The following SYT2 variants were observed in gnomAD, a reference collection of about 807,000 sequenced individuals.
SYT2 encodes the protein synaptotagmin-2.
A neutral mutation model predicts 39.9 loss-of-function variants in SYT2; 15 were observed. The observed-to-expected ratio is 0.38, with a 90% CI of 0.25 to 0.58. The LOEUF (loss-of-function observed/expected upper bound fraction) is 0.58, where lower values mean the gene tolerates loss of function less well. Ranked by LOEUF, SYT2 falls within the 20% of genes least tolerant of loss-of-function variation. The pLI is 0.70. For synonymous variants in SYT2, 181 were observed against 204.5 expected (o/e 0.89, Z 0.98); for missense variants, 389 against 530.3 (o/e 0.73, Z 2.62).
At chr1:202,706,019 T>C (rs965931658) in intron 1 of SYT2, among the ~76,000 whole-genome samples, 3 of 152,054 alleles carry the variant, frequency 2.0e-5, no homozygotes, top group African/African-American at 7.2e-5. Context: ...ATGTTTAATT[T>C]TAGACCCAGC....
chr1:202,610,162 G>C (rs1690846450), intron 1 of SYT2, among the ~76,000 whole-genome samples: 3 of 152,176 alleles, frequency 2.0e-5, no homozygotes. Flanking sequence ...CCCATTTCTT[G>C]TTTTTGTCAG....
At chr1:202,691,727 G>GAGAGA (rs1558463384) in intron 1 of SYT2, among the ~76,000 whole-genome samples, 1 of 19,012 alleles carries the variant, frequency 5.3e-5, no homozygotes, top group Non-Finnish European at 1.1e-4. Flanking sequence ...GAGAGGGAGA[G>GAGAGA]GGGGGGAGAG....
rs1690214720 is a variant in SYT2, at chr1:202,594,243, C to G, written c.*2514G>C. On this transcript the variant is annotated 3_prime_UTR_variant, in exon 9 of 9. Coordinates refer to ENST00000367268, the MANE Select transcript of SYT2 (RefSeq NM_177402.5). ...CAGTGGGCTCAGAGTAATAAAAATC[C>G]AGCCCTGGTCACCAGGCACATAGAC... 6.6e-6 allele frequency: 1 copy of G among 152,254 alleles called. No homozygotes were observed. The highest frequency in any genetic ancestry group is 6.5e-5 in the Admixed American group (1 of 15,274). The allele number at this position is 152,254 out of a possible 1,614,324, so 9.4% of individuals were successfully genotyped here.
At chr1:202,645,002 GC>G (rs1224233132) in intron 1 of SYT2, among the ~76,000 whole-genome samples, 1 of 152,192 alleles carries the variant, frequency 6.6e-6, no homozygotes, top group East Asian at 1.9e-4. Context: ...GGATTTCCGG[GC>G]GGCTCCTCCT....
At position 202,663,272 on chromosome 1, in the gene SYT2, G is replaced by C. The variant is rs565735602; in HGVS notation, c.-18+46986C>G. 7.9e-5 allele frequency among the ~76,000 whole-genome samples: 12 copies of C among 152,290 alleles called. 1 individual carries two copies. The highest frequency in any genetic ancestry group is 2.6e-4 in the African/African-American group (11 of 41,562). ...GGTCATTACCCTCAGCAATAAGAAGGGTTCTGGGATAGCAGGTTTTATCGG... is the reference window on the plus strand; with the variant it reads ...GGTCATTACCCTCAGCAATAAGAAGCGTTCTGGGATAGCAGGTTTTATCGG... On this transcript the variant is annotated intron_variant, in intron 1 of 8. Coordinates refer to ENST00000367268, the MANE Select transcript of SYT2 (RefSeq NM_177402.5).
At chr1:202,642,544 G>C (rs1181043027) in intron 1 of SYT2, among the ~76,000 whole-genome samples, 2 of 152,130 alleles carry the variant, frequency 1.3e-5, no homozygotes, top group African/African-American at 2.4e-5. Flanking sequence ...GGATCCCCGC[G>C]AGCCTGCTTC....
intron 1 of SYT2, among the ~76,000 whole-genome samples, chr1:202,680,240 A>G (rs1414579099): frequency 6.6e-6 from 1 of 152,238 alleles, no homozygotes; most frequent in Non-Finnish European, 1.5e-5. Context: ...TCAAATTAAT[A>G]TAGGCCATTA....
intron 1 of SYT2, among the ~76,000 whole-genome samples, chr1:202,687,938 T>C (rs569352259): frequency 6.6e-6 from 1 of 152,314 alleles, no homozygotes; most frequent in African/African-American, 2.4e-5. Flanking sequence ...AAAATGTCTT[T>C]TCACAATGTC....
rs1334713219 is a variant in SYT2 at position 202,644,699 on chromosome 1, C to A, written c.-17-38910G>T. On this transcript the variant is annotated intron_variant, in intron 1 of 8. Transcript: ENST00000367268. ...GTGACATTCCTCATCCCCCAACCCA[C>A]ACACACAAAAATCCAGTGTGCATGT... Among the ~76,000 whole-genome samples the A allele has an allele frequency of 3.3e-5, 5 of 152,154 alleles. No individual in the cohort carries two copies. The East Asian group carries it at 9.7e-4, about 30-fold the overall frequency.
chr1:202,620,646 T>C (rs1230984259), intron 1 of SYT2, among the ~76,000 whole-genome samples: 4 of 151,800 alleles, frequency 2.6e-5, no homozygotes, highest in African/African-American at 9.7e-5. Flanking sequence ...AAACAACATG[T>C]CTAGAGGCTC....
chr1:202,623,422 C>T lies in SYT2; in HGVS notation c.-17-17633G>A, dbSNP rs1004403920. Among the ~76,000 whole-genome samples the T allele has an allele frequency of 1.3e-5, 2 of 152,224 alleles. No homozygotes were observed. Among genetic ancestry groups the T allele is most frequent in the Non-Finnish European group, 2.9e-5 (2 of 68,032 alleles). On this transcript the variant is annotated intron_variant, in intron 1 of 8. Coordinates refer to ENST00000367268, the MANE Select transcript of SYT2 (RefSeq NM_177402.5). The surrounding 1 kb of genome is among the most constrained non-coding windows in gnomAD (Gnocchi z 4.2). ...GCCTTCCCACCTCCTTCTCCAGAGACTCAGAATCTTGGGCCTCCAGGGTTC... is the reference window on the plus strand; with the variant it reads ...GCCTTCCCACCTCCTTCTCCAGAGATTCAGAATCTTGGGCCTCCAGGGTTC...
chr1:202,636,916 C>G (rs1418888248), intron 1 of SYT2, among the ~76,000 whole-genome samples: 1 of 152,170 alleles, frequency 6.6e-6, no homozygotes, highest in Non-Finnish European at 1.5e-5. Context: ...ACTGGAGGAG[C>G]TGGCATTTGA....
Position 202,639,863 on chromosome 1 carries a change from G to T in SYT2, c.-17-34074C>A, listed in dbSNP as rs549194877. The T allele has an allele frequency of 6.9e-5, 68 of 982,350 alleles. No individual in the cohort carries two copies. In the African/African-American group the frequency reaches 1.1e-3, roughly 16 times the overall value. 60.9% of individuals were successfully genotyped at this position (982,350 alleles called of 1,614,324 possible). A position where few individuals can be genotyped will look rare whatever the true frequency, so the allele number is the denominator to read the frequency against. ...GGGGATCGTGTGCATGGTGACAACT[G>T]CAGGACTGTGAACTGTATCCCTGCT... is the stretch of plus-strand genomic sequence containing the variant. On this transcript the variant is annotated intron_variant, in intron 1 of 8. Transcript: ENST00000367268.
intron 1 of SYT2, among the ~76,000 whole-genome samples, chr1:202,693,756 C>T (rs1247903096): frequency 6.6e-6 from 1 of 152,182 alleles, no homozygotes; most frequent in African/African-American, 2.4e-5. Flanking sequence ...CCTCTTGTTG[C>T]TGAGATTGTG....
Position 202,599,165 on chromosome 1 carries a change from A to C in SYT2, c.1053+53T>G. The C allele has an allele frequency of 6.2e-7, 1 of 1,601,790 alleles. No individual in the cohort carries two copies. The highest frequency in any genetic ancestry group is 1.1e-5 in the South Asian group (1 of 88,832). On this transcript the variant is annotated intron_variant, in intron 8 of 8. Coordinates refer to ENST00000367268, the MANE Select transcript of SYT2 (RefSeq NM_177402.5). The surrounding 1 kb of genome is among the most constrained non-coding windows in gnomAD (Gnocchi z 4.4). Reference sequence around the variant, plus strand: ...TTCCCTCTCTTCAACCTCCCCATACATGTTTGCCTCCCCAAACCCTGCTCC... The same window carrying C: ...TTCCCTCTCTTCAACCTCCCCATACCTGTTTGCCTCCCCAAACCCTGCTCC...
rs568566918 is a variant in SYT2, at chr1:202,684,290, C to T, written c.-18+25968G>A. On this transcript the variant is annotated intron_variant, in intron 1 of 8. Coordinates refer to ENST00000367268, the MANE Select transcript of SYT2 (RefSeq NM_177402.5). ...CATGACTGCAAGTTGTACCTTTGACCTCCTTCTCCCCATCCCTGGTAACCA... is the reference window on the plus strand; with the variant it reads ...CATGACTGCAAGTTGTACCTTTGACTTCCTTCTCCCCATCCCTGGTAACCA... 8.6e-5 allele frequency among the ~76,000 whole-genome samples: 13 copies of T among 152,034 alleles called. No homozygotes were observed. The South Asian group carries it at 2.5e-3, about 29-fold the overall frequency.
intron 1 of SYT2, among the ~76,000 whole-genome samples, chr1:202,617,436 C>CT (rs1050886053): frequency 3.9e-5 from 6 of 152,050 alleles, no homozygotes; most frequent in Non-Finnish European, 5.9e-5. Flanking sequence ...CCCTCTTCAC[C>CT]TCCCCCCATG....
intron 1 of SYT2, among the ~76,000 whole-genome samples, chr1:202,674,310 C>T (rs775648246): frequency 2.0e-5 from 3 of 152,130 alleles, no homozygotes; most frequent in Admixed American, 6.6e-5. Context: ...CCATATTGGC[C>T]AGGCTGGTCT....
intron 1 of SYT2, among the ~76,000 whole-genome samples, chr1:202,700,329 G>A (rs914426163): frequency 1.3e-5 from 2 of 152,144 alleles, no homozygotes; most frequent in African/African-American, 4.8e-5. Flanking sequence ...CCTGTGACAC[G>A]AAGCCCCGCA....
Sources: allele counts gnomAD v4.1 joint callset (sites outside exome capture counted in the v4.1 genomes callset), GRCh38; gene constraint gnomAD v4.1.1; non-coding constraint Gnocchi (gnomAD v3.1); transcripts MANE v1.5; gene names NCBI Gene and HGNC (gene_info 2026-07-23, HGNC 2026-07-21).